The following RHOA variants were observed in gnomAD, a reference collection of about 807,000 sequenced individuals.
RHOA encodes ras homolog family member A, also known as transforming protein RhoA.
RHOA carries 3 observed loss-of-function variants against 17.5 expected under a neutral mutation model. That is an observed-to-expected ratio of 0.17 (90% confidence interval 0.08 to 0.44). RHOA has a LOEUF of 0.44. RHOA is among the 20% of genes least tolerant of loss of function. RHOA has a pLI of 0.99. For synonymous variants in RHOA, 98 were observed against 88.4 expected (o/e 1.11, Z -0.61); for missense variants, 56 against 242.3 (o/e 0.23, Z 5.10).
chr3:49,390,252 A>G (rs1028992840), intron 1 of RHOA, among the ~76,000 whole-genome samples: 12 of 151,836 alleles, frequency 7.9e-5, no homozygotes. Context: ...CTTGTGTCCC[A>G]GCCTTCTGAG....
chr3:49,399,577 C>CTTT (rs769088574), intron 1 of RHOA, among the ~76,000 whole-genome samples: 2 of 144,368 alleles, frequency 1.4e-5, no homozygotes, highest in Non-Finnish European at 3.0e-5. Context: ...TACACAGGAG[C>CTTT]TTTTTTTTTT....
chr3:49,390,912 GTCTCT>G (rs2048491391), intron 1 of RHOA, among the ~76,000 whole-genome samples: 1 of 151,746 alleles, frequency 6.6e-6, no homozygotes, highest in Non-Finnish European at 1.5e-5. Flanking sequence ...GTGAAACCCC[GTCTCT>G]ACTAAAAATA....
chr3:49,383,887 G>A (rs1285239291), intron 1 of RHOA, among the ~76,000 whole-genome samples: 1 of 152,016 alleles, frequency 6.6e-6, no homozygotes, highest in Non-Finnish European at 1.5e-5. Context: ...AAAATTAGCC[G>A]GGCATGGTGG....
chr3:49,373,880 A>AAAAAAC (rs2048183561), intron 2 of RHOA, among the ~76,000 whole-genome samples: 1 of 152,124 alleles, frequency 6.6e-6, no homozygotes, highest in South Asian at 2.1e-4. Flanking sequence ...AGATTAAAAA[A>AAAAAAC]AAAAACAAAA....
At chr3:49,393,729 T>TGTGAGAGA (rs1553635013) in intron 1 of RHOA, among the ~76,000 whole-genome samples, 8 of 136,830 alleles carry the variant, frequency 5.8e-5, no homozygotes, top group African/African-American at 1.4e-4. Context: ...TGTGTGTGTG[T>TGTGAGAGA]GACAGAATCT....
intron 1 of RHOA, among the ~76,000 whole-genome samples, chr3:49,396,199 T>C (rs2048613185): frequency 6.6e-6 from 1 of 152,178 alleles, no homozygotes; most frequent in Non-Finnish European, 1.5e-5. Flanking sequence ...AACCTTTTCA[T>C]ATAGCCACAG....
intron 4 of RHOA, chr3:49,360,863 TAGG>T (rs2047955051): frequency 3.8e-6 from 1 of 260,010 alleles, no homozygotes; most frequent in South Asian, 3.0e-5. Context: ...ATCACGAGTT[TAGG>T]AGATCAAGAC....
chr3:49,366,012 G>A (rs1421848254), intron 3 of RHOA, among the ~76,000 whole-genome samples: 4 of 152,116 alleles, frequency 2.6e-5, no homozygotes, highest in African/African-American at 9.7e-5. Context: ...AACTGAATCT[G>A]CAACTGCACT....
rs2107848979 is a variant in RHOA at position 49,375,418 on chromosome 3, T to C, written c.156+16A>G. 3 of 1,595,878 alleles carry C rather than the reference T, an allele frequency of 1.9e-6. No individual in the cohort carries two copies. The highest frequency in any genetic ancestry group is 2.6e-6 in the Non-Finnish European group (3 of 1,172,394). On this transcript the variant is annotated intron_variant, in intron 2 of 4. Transcript: ENST00000418115. ...ACATGGAAAATGGCATCAGTTGTTATGAAAAGTATACTCACCTGCTTTCCA... is the reference window on the plus strand; with the variant it reads ...ACATGGAAAATGGCATCAGTTGTTACGAAAAGTATACTCACCTGCTTTCCA...
rs201829956 is a variant in RHOA, at chr3:49,363,172, ACTTTGGGAGG to A, written c.278-556_278-547del. Among the ~76,000 whole-genome samples, 252 of 152,268 alleles carry A rather than the reference ACTTTGGGAGG, an allele frequency of 1.7e-3. 5 individuals are homozygous for A. In the East Asian group the frequency reaches 0.046, roughly 28 times the overall value. On this transcript the variant is annotated intron_variant, in intron 3 of 4. Transcript: ENST00000418115. The stretch of plus-strand genomic sequence containing the variant: ...GGTGGCTCATGCCTGTAATCCCAGC[ACTTTGGGAGG>A]CCAAGGTGGGCGGATCATGAGGTCA...
chr3:49,360,970 G>A (rs909269855), intron 4 of RHOA: 13 of 329,876 alleles, frequency 3.9e-5, no homozygotes, highest in Middle Eastern at 8.9e-4. Context: ...CTACTCAGGA[G>A]GCTGAGGCAG....
intron 1 of RHOA, among the ~76,000 whole-genome samples, chr3:49,386,678 T>C (rs1164743700): frequency 5.3e-5 from 8 of 152,176 alleles, no homozygotes; most frequent in African/African-American, 1.9e-4. Flanking sequence ...TTGGTGACAC[T>C]GAAAGACTCG....
chr3:49,382,603 T>G (rs2107862699), intron 1 of RHOA, among the ~76,000 whole-genome samples: 1 of 152,066 alleles, frequency 6.6e-6, no homozygotes, highest in Non-Finnish European at 1.5e-5. Flanking sequence ...GCCACTACAC[T>G]CCAGCCTGAG....
chr3:49,409,920 A>T (rs1031097047), intron 1 of RHOA, among the ~76,000 whole-genome samples: 2 of 152,326 alleles, frequency 1.3e-5, no homozygotes, highest in African/African-American at 4.8e-5. Context: ...TTGAAGCAGT[A>T]AAGTGTAGGC....
At chr3:49,399,832 G>A (rs1272899618) in intron 1 of RHOA, among the ~76,000 whole-genome samples, 2 of 151,994 alleles carry the variant, frequency 1.3e-5, no homozygotes, top group Non-Finnish European at 2.9e-5. Flanking sequence ...TTTAAATGTA[G>A]GGACTTTAAA....
At chr3:49,393,504 G>A (rs563979928) in intron 1 of RHOA, among the ~76,000 whole-genome samples, 2 of 151,824 alleles carry the variant, frequency 1.3e-5, no homozygotes, top group African/African-American at 4.8e-5. Flanking sequence ...CATCATATGG[G>A]CCAGACGGGT....
intron 1 of RHOA, among the ~76,000 whole-genome samples, chr3:49,382,974 A>G (rs969238858): frequency 6.6e-6 from 1 of 152,008 alleles, no homozygotes; most frequent in Non-Finnish European, 1.5e-5. Flanking sequence ...GAATCACTTG[A>G]ACACAGGAGG....
At chr3:49,372,733 C>CA (rs11460016) in intron 2 of RHOA, among the ~76,000 whole-genome samples, 39,188 of 82,872 alleles carry the variant, frequency 0.47, 9,570 homozygotes, top group East Asian at 0.88. Context: ...GACTCTGTCT[C>CA]AAAAAAAAAA....
chr3:49,400,861 C>T (rs1222982874), intron 1 of RHOA, among the ~76,000 whole-genome samples: 3 of 151,320 alleles, frequency 2.0e-5, no homozygotes, highest in Non-Finnish European at 2.9e-5. Context: ...CTGGCTAACA[C>T]GGTGAAATCC....
Sources: gnomAD v4.1 joint callset for allele counts (sites outside exome capture counted in the v4.1 genomes callset) on GRCh38, gnomAD v4.1.1 for gene constraint, MANE v1.5 for transcripts, NCBI Gene and HGNC (gene_info 2026-07-23, HGNC 2026-07-21) for gene names.